Variants in PNPLA6 observed in about 807,000 individuals in gnomAD.
PNPLA6 encodes the protein patatin like domain 6, lysophospholipase, also known as patatin-like phospholipase domain-containing protein 6.
A neutral mutation model predicts 153.7 loss-of-function variants in PNPLA6; 105 were observed. The observed-to-expected ratio is 0.68, with a 90% confidence interval of 0.58 to 0.80. The LOEUF (loss-of-function observed/expected upper bound fraction) is 0.80, where lower values mean the gene tolerates loss of function less well. Ranked by LOEUF, PNPLA6 falls within the 30% of genes least tolerant of loss-of-function variation. PNPLA6 has a pLI of 0.00. For synonymous variants in PNPLA6, 825 were observed against 822.2 expected (o/e 1.00, Z -0.06); for missense variants, 1,423 against 1,919.3 (o/e 0.74, Z 4.83).
At position 7,561,587 on chromosome 19, in the gene PNPLA6, C is replaced by G. The variant is rs753716382; in HGVS notation, c.*25C>G. The G allele has an allele frequency of 2.6e-6, 4 of 1,512,978 alleles. No individual in the cohort carries two copies. Among genetic ancestry groups the G allele is most frequent in the Non-Finnish European group, 3.6e-6 (4 of 1,115,570 alleles). 93.7% of individuals were successfully genotyped at this position (1,512,978 alleles called of 1,614,324 possible). A position where few individuals can be genotyped will look rare whatever the true frequency, so the allele number is the denominator to read the frequency against. ...AGGACCTCGACAGGGGTCACCCCCT[C>G]CCTCCCACCCCTGGACTGGGCTGGG... is the stretch of plus-strand genomic sequence containing the variant. On this transcript the variant is annotated 3_prime_UTR_variant, in exon 32 of 32. Transcript: ENST00000600737.
At position 7,557,029 on chromosome 19, in the gene PNPLA6, A is replaced by AC. The variant is rs1418952278; in HGVS notation, c.3281-135dup. The AC allele has an allele frequency of 6.2e-6, 5 of 812,896 alleles. No homozygotes were observed. The East Asian group carries it at 9.7e-5, about 16-fold the overall frequency. 50.4% of individuals were successfully genotyped at this position (812,896 alleles called of 1,614,324 possible). On this transcript the variant is annotated intron_variant, in intron 26 of 31. Coordinates refer to ENST00000600737, the MANE Select transcript of PNPLA6 (RefSeq NM_001166114.2). The stretch of plus-strand genomic sequence containing the variant: ...TGCCCCTACCTGCCCCCACTGTGCG[A>AC]CCCCAAGGACGGGCACCTGCTGGTG...
At chr19:7,558,752 G>C (rs1043693441) in intron 27 of PNPLA6, 98 bp from the exon 28 acceptor site, 1 of 799,738 alleles carries the variant, frequency 1.3e-6, no homozygotes, top group African/African-American at 1.8e-5. Flanking sequence ...TTTTTTTTTT[G>C]CGTGATCATT....
In PNPLA6 at chr19:7,536,496, C is replaced by T. The variant is rs2146039073; in HGVS notation, c.363C>T (p.Thr121=). The change falls in exon 3 of 32, where the codon ACC becomes ACT. Residue 121 remains threonine, a synonymous_variant. Coordinates refer to ENST00000600737, the MANE Select transcript of PNPLA6 (RefSeq NM_001166114.2). The part of the protein sequence containing the change: ...SSLVDTSVSA[T]SRPRMRKKLK... ...TCGTGGATACCTCTGTCTCCGCCAC[C>T]TCCCGGCCACGCATGAGGAAGAAAC... is the stretch of plus-strand genomic sequence containing the variant. 2 of 1,614,058 alleles carry T rather than the reference C, an allele frequency of 1.2e-6. No individual in the cohort carries two copies. Among genetic ancestry groups the T allele is most frequent in the Non-Finnish European group, 1.7e-6 (2 of 1,179,894 alleles).
Position 7,535,870 on chromosome 19 carries a change from G to A in PNPLA6, c.82G>A (p.Ala28Thr). The stretch of plus-strand genomic sequence containing the variant: ...GAGGGATGGGTTCCAGGACGTCCTG[G>A]CGCCCGGGGAAGGCTCGGCGGGACG... Reference protein sequence around the residue: ...AERDGFQDVLAPGEGSAGRIC... With the variant: ...AERDGFQDVLTPGEGSAGRIC... The change falls in exon 1 of 32, where the codon GCG becomes ACG. Residue 28 changes from alanine to threonine, a missense_variant. Transcript: ENST00000600737. This position sits in a 1 kb window ranked among gnomAD's most constrained non-coding sequence, Gnocchi z 5.0. The A allele has an allele frequency of 1.9e-6, 3 of 1,541,164 alleles. No individual in the cohort carries two copies. Among genetic ancestry groups the A allele is most frequent in the South Asian group, 2.4e-5 (2 of 84,298 alleles).
At position 7,554,641 on chromosome 19, in the gene PNPLA6, C is replaced by T. The variant is rs2023791191; in HGVS notation, c.2552C>T (p.Thr851Met). The T allele has an allele frequency of 6.2e-7, 1 of 1,614,050 alleles. No individual in the cohort carries two copies. The highest frequency in any genetic ancestry group is 2.2e-5 in the East Asian group (1 of 44,862). The change falls in exon 21 of 32, where the codon ACG (threonine) becomes ATG (methionine). Residue 851 changes from threonine (T) to methionine (M), a missense_variant. Coordinates refer to ENST00000600737, the MANE Select transcript of PNPLA6 (RefSeq NM_001166114.2). ...CTCTACCAGACGGACGCCTCGCTGA[C>T]GCCCTGGACCGTGCGCTGCCTGCGA... ...IVLYQTDASL[T>M]PWTVRCLRQA...
chr19:7,545,537 G>C lies in PNPLA6; in HGVS notation c.1608+2453G>C, dbSNP rs577883585. On this transcript the variant is annotated intron_variant, in intron 13 of 31. Transcript: ENST00000600737. ...GGATGGAACAGGAAGGTTTCTAGCT[G>C]GTCAGGCTACCCAAAGAAGAAAGAA... Among the ~76,000 whole-genome samples the C allele has an allele frequency of 7.2e-5, 11 of 152,208 alleles. No individual in the cohort carries two copies. In the South Asian group the frequency reaches 2.1e-3, roughly 29 times the overall value.
chr19:7,535,402 G>A, upstream of PNPLA6: 1 of 859,906 alleles, frequency 1.2e-6, no homozygotes. The surrounding 1 kb of genome is among the most constrained non-coding windows in gnomAD (Gnocchi z 5.0). Flanking sequence ...CGCTTCCCCC[G>A]CCACCCCAGA....
intron 26 of PNPLA6, chr19:7,556,946 C>T (rs1377042752): frequency 8.7e-6 from 6 of 688,816 alleles, no homozygotes; most frequent in Non-Finnish European, 1.3e-5. Context: ...CGCCTTACCC[C>T]CCTCACGCCA....
chr19:7,553,276 G>C (rs2023734985), intron 18 of PNPLA6, among the ~76,000 whole-genome samples: 1 of 152,148 alleles, frequency 6.6e-6, no homozygotes, highest in Non-Finnish European at 1.5e-5. Flanking sequence ...TTTTAAGACA[G>C]GGTCTCGCTC....
At chr19:7,549,248 G>A (rs1387727663) in intron 13 of PNPLA6, among the ~76,000 whole-genome samples, 2 of 139,972 alleles carry the variant, frequency 1.4e-5, no homozygotes, top group East Asian at 2.2e-4. Context: ...GTGCAGTGGC[G>A]CGATCTTGGC....
At chr19:7,560,854 C>T in intron 29 of PNPLA6, 90 bp downstream of exon 29, 1 of 929,118 alleles carries the variant, frequency 1.1e-6, no homozygotes, top group South Asian at 1.3e-5. Flanking sequence ...TCAGATGACC[C>T]CACATGTCCC....
Position 7,560,741 on chromosome 19 carries a change from C to T in PNPLA6, c.3793C>T (p.Leu1265Phe). Residue 1265 changes from leucine to phenylalanine, a missense_variant, in exon 29 of 32, where the codon CTT (leucine) becomes TTT (phenylalanine). Coordinates refer to ENST00000600737, the MANE Select transcript of PNPLA6 (RefSeq NM_001166114.2). The stretch of plus-strand genomic sequence containing the variant: ...GCTCACAGACCGGCGGTCTACAGAC[C>T]TTAATGAGAGCCGCCGTGCAGACGT... ...KMLTDRRSTD[L>F]NESRRADVLA... The T allele has an allele frequency of 6.2e-7, 1 of 1,611,504 alleles. No homozygotes were observed. The highest frequency in any genetic ancestry group is 8.5e-7 in the Non-Finnish European group (1 of 1,177,694).
rs956024159 is a variant in PNPLA6 at position 7,541,866 on chromosome 19, A to G, written c.1169-118A>G. 14 of 1,085,508 alleles carry G rather than the reference A, an allele frequency of 1.3e-5. No individual in the cohort carries two copies. The highest frequency in any genetic ancestry group is 5.1e-5 in the South Asian group (4 of 79,026). 67.2% of individuals were successfully genotyped at this position (1,085,508 alleles called of 1,614,324 possible). A position where few individuals can be genotyped will look rare whatever the true frequency, so the allele number is the denominator to read the frequency against. On this transcript the variant is annotated intron_variant, in intron 9 of 31. Coordinates refer to ENST00000600737, the MANE Select transcript of PNPLA6 (RefSeq NM_001166114.2). This position sits in a 1 kb window ranked among gnomAD's most constrained non-coding sequence, Gnocchi z 5.2. ...CGAGGAAGCTGTGGCCTCGTCCCCA[A>G]GGGCCCATTGGAATTGCTTTAACTA...
In PNPLA6 at chr19:7,549,942, G is replaced by A. The variant is rs2023570863; in HGVS notation, c.1644G>A (p.Leu548=). The A allele has an allele frequency of 1.9e-6, 3 of 1,613,810 alleles. No homozygotes were observed. Among genetic ancestry groups the A allele is most frequent in the Non-Finnish European group, 2.5e-6 (3 of 1,180,040 alleles). Residue 548 remains leucine, a synonymous_variant, in exon 14 of 32, where the codon CTG becomes CTA. Coordinates refer to ENST00000600737, the MANE Select transcript of PNPLA6 (RefSeq NM_001166114.2). ...TGCACTTCGTGCTCTGGGGCTGCCTGCACGTGTACCAGCGCATGATCGACA... is the reference window on the plus strand; with the variant it reads ...TGCACTTCGTGCTCTGGGGCTGCCTACACGTGTACCAGCGCATGATCGACA... ...VSLHFVLWGC[L]HVYQRMIDKA... is the part of the protein sequence containing the mutation.
At position 7,539,914 on chromosome 19, in the gene PNPLA6, C is replaced by A. The variant is rs911565175; in HGVS notation, c.414-4C>A. ...CACCCCCGGCACCCCTCCCCTCCCA[C>A]CAGGATCCTGCGCATCCAGAAAGAG... On this transcript the variant is annotated splice_polypyrimidine_tract_variant and splice_region_variant and intron_variant, in intron 3 of 31. Transcript: ENST00000600737. 3.2e-6 allele frequency: 5 copies of A among 1,540,004 alleles called. No individual in the cohort carries two copies. In the Admixed American group the frequency reaches 9.8e-5, roughly 30 times the overall value.
In PNPLA6 at chr19:7,541,034, T is replaced by C. The variant is rs779108773; in HGVS notation, c.907T>C (p.Leu303=). The C allele has an allele frequency of 6.8e-6, 11 of 1,609,922 alleles. No individual in the cohort carries two copies. The Admixed American group carries it at 1.8e-4, about 27-fold the overall frequency. The part of the protein sequence containing the change: ...SAVFTKYPES[L]VRVVQIIMVR... ...GGTCTTCACCAAGTACCCGGAGAGC[T>C]TGGTGCGGGTCGTGCAGGTCAGTGG... Residue 303 remains leucine (L), a synonymous_variant, in exon 7 of 32, where the codon TTG becomes CTG. Transcript: ENST00000600737. This position sits in a 1 kb window ranked among gnomAD's most constrained non-coding sequence, Gnocchi z 5.2.
upstream of PNPLA6, chr19:7,535,534 C>T: frequency 4.4e-6 from 7 of 1,598,534 alleles, no homozygotes; most frequent in Non-Finnish European, 6.0e-6. The surrounding 1 kb of genome is among the most constrained non-coding windows in gnomAD (Gnocchi z 5.0). Context: ...GATCGGCCGT[C>T]CAGCTGGAAT....
intron 27 of PNPLA6, chr19:7,557,608 AC>A (rs1449175395): frequency 1.1e-5 from 4 of 377,790 alleles, no homozygotes; most frequent in Admixed American, 7.4e-5. Flanking sequence ...ACATGGTGAA[AC>A]CCCGTCTCTA....
At position 7,551,096 on chromosome 19, in the gene PNPLA6, C is replaced by A; in HGVS notation, c.2173C>A (p.Arg725=). The A allele has an allele frequency of 6.8e-7, 1 of 1,462,666 alleles. No homozygotes were observed. The allele number at this position is 1,462,666 out of a possible 1,614,324, so 90.6% of individuals were successfully genotyped here. The change falls in exon 17 of 32, where the codon CGG becomes AGG. Residue 725 remains arginine (R), a synonymous_variant. Coordinates refer to ENST00000600737, the MANE Select transcript of PNPLA6 (RefSeq NM_001166114.2). Reference sequence around the variant, plus strand: ...GGGCACCTTGGGTCACATCAAACGCCGGTACCCGCAGGTGCGGCCTGTTGT... The same window carrying A: ...GGGCACCTTGGGTCACATCAAACGCAGGTACCCGCAGGTGCGGCCTGTTGT... ...PEGTLGHIKR[R]YPQVVTRLIH...
Sources: gnomAD v4.1 joint callset for allele counts (sites outside exome capture counted in the v4.1 genomes callset) on GRCh38, gnomAD v4.1.1 for gene constraint, Gnocchi (gnomAD v3.1) non-coding constraint, MANE v1.5 for transcripts, NCBI Gene and HGNC (gene_info 2026-07-23, HGNC 2026-07-21) for gene names.